The following MFAP3L variants were observed in gnomAD, a reference collection of about 807,000 sequenced individuals.
The protein encoded by MFAP3L is microfibrillar-associated protein 3-like.
Under a neutral mutation model 20.0 loss-of-function variants are expected in MFAP3L, and 5 were observed. That is an observed-to-expected ratio of 0.25 (90% CI 0.13 to 0.53). The LOEUF is 0.53. Among genes scored for constraint, MFAP3L ranks in the 20% least tolerant of loss-of-function variants. The pLI, the probability that MFAP3L is intolerant of heterozygous loss-of-function variation, is 0.96. For synonymous variants in MFAP3L, 219 were observed against 213.0 expected, an observed-to-expected ratio of 1.03 and a Z score of -0.25; for missense variants, 409 against 527.5, an observed-to-expected ratio of 0.78 and a Z score of 2.20.
intron 2 of MFAP3L, chr4:169,994,403 G>A: frequency 1.0e-6 from 1 of 984,968 alleles, no homozygotes; most frequent in Non-Finnish European, 1.2e-6. Flanking sequence ...GCATCTGATG[G>A]TAATACCAAC....
At chr4:170,005,490 T>C (rs1383580163) in intron 2 of MFAP3L, 90 bp downstream of exon 2, 2 of 1,351,008 alleles carry the variant, frequency 1.5e-6, no homozygotes, top group Non-Finnish European at 1.0e-6. Flanking sequence ...CTTTAAATCA[T>C]TTGCATGAGA....
intron 1 of MFAP3L, among the ~76,000 whole-genome samples, chr4:170,025,736 C>T (rs1420015540): frequency 6.6e-6 from 1 of 152,166 alleles, no homozygotes; most frequent in Non-Finnish European, 1.5e-5. Context: ...GCACCCACAG[C>T]CGCCCGCACT....
At chr4:170,016,779 C>G in intron 1 of MFAP3L, among the ~76,000 whole-genome samples, 1 of 152,292 alleles carries the variant, frequency 6.6e-6, no homozygotes, top group South Asian at 2.1e-4. Context: ...TTAGACAGTT[C>G]TGGAAAATGT....
intron 2 of MFAP3L, among the ~76,000 whole-genome samples, chr4:169,997,597 G>A (rs1262479778): frequency 1.3e-5 from 2 of 152,132 alleles, no homozygotes; most frequent in Non-Finnish European, 2.9e-5. Flanking sequence ...AGAGATCACA[G>A]TCATTTTTAA....
At chr4:170,020,312 A>AT (rs1396480053) in intron 1 of MFAP3L, among the ~76,000 whole-genome samples, 3 of 152,108 alleles carry the variant, frequency 2.0e-5, no homozygotes, top group Non-Finnish European at 4.4e-5. Context: ...CCTGAGAAAC[A>AT]TATCAATCAC....
rs891238724 is a variant in MFAP3L at position 169,990,345 on chromosome 4, A to G, written c.*1033T>C. The G allele has an allele frequency of 2.0e-5, 3 of 152,350 alleles. No homozygotes were observed. Among genetic ancestry groups the G allele is most frequent in the African/African-American group, 7.2e-5 (3 of 41,470 alleles). 9.4% of individuals were successfully genotyped at this position (152,350 alleles called of 1,614,324 possible). ...AACCAAGTCAGCTATGCAGTTCATA[A>G]AAGTGGACCTGGTTATATGTCATCC... On this transcript the variant is annotated 3_prime_UTR_variant, in exon 3 of 3. Transcript: ENST00000361618.
chr4:169,991,030 C>G lies in MFAP3L; in HGVS notation c.*348G>C, dbSNP rs1737622298. 1 of 264,586 alleles carries G rather than the reference C, an allele frequency of 3.8e-6. No individual in the cohort carries two copies. The highest frequency in any genetic ancestry group is 4.7e-5 in the Admixed American group (1 of 21,136). 16.4% of individuals were successfully genotyped at this position (264,586 alleles called of 1,614,324 possible). On this transcript the variant is annotated 3_prime_UTR_variant, in exon 3 of 3. Transcript: ENST00000361618. The surrounding 1 kb of genome is among the most constrained non-coding windows in gnomAD (Gnocchi z 4.9). ...TTAAAAGGAAAAGCAATGCAGGGGGCACTGGACAGGGTTCTTGAACTCAGA... is the reference window on the plus strand; with the variant it reads ...TTAAAAGGAAAAGCAATGCAGGGGGGACTGGACAGGGTTCTTGAACTCAGA...
At chr4:170,024,840 A>G (rs1405001617) in intron 1 of MFAP3L, among the ~76,000 whole-genome samples, 1 of 152,236 alleles carries the variant, frequency 6.6e-6, no homozygotes, top group East Asian at 1.9e-4. Context: ...CAGGCTTGCA[A>G]GCAAGCACCA....
intron 1 of MFAP3L, among the ~76,000 whole-genome samples, chr4:170,020,371 G>A (rs1013899934): frequency 5.9e-5 from 9 of 152,058 alleles, no homozygotes; most frequent in African/African-American, 2.2e-4. Context: ...CACATCCTGG[G>A]TTTCCCCTGG....
intron 1 of MFAP3L, among the ~76,000 whole-genome samples, chr4:170,010,606 T>C (rs1387253741): frequency 6.6e-6 from 1 of 152,212 alleles, no homozygotes. Flanking sequence ...GCAAATATAT[T>C]TTCTCCTTCT....
At position 169,991,888 on chromosome 4, in the gene MFAP3L, G is replaced by A. The variant is rs756896531; in HGVS notation, c.720C>T (p.Ser240=). ...TCATAATGAGAGGCGGCAGAGGCAC[G>A]CTCCTGGCAAGCTCTTCGATGTAGC... ...FARYIEELAR[S]VPLPPLIMNC... Residue 240 remains serine, a synonymous_variant, in exon 3 of 3, where the codon AGC becomes AGT. Coordinates refer to ENST00000361618, the MANE Select transcript of MFAP3L (RefSeq NM_021647.8). This position sits in a 1 kb window ranked among gnomAD's most constrained non-coding sequence, Gnocchi z 4.9. 3 of 1,614,158 alleles carry A rather than the reference G, an allele frequency of 1.9e-6. No homozygotes were observed. Among genetic ancestry groups the A allele is most frequent in the South Asian group, 1.1e-5 (1 of 91,086 alleles).
chr4:170,021,238 G>C (rs1740016077), intron 1 of MFAP3L, among the ~76,000 whole-genome samples: 1 of 152,150 alleles, frequency 6.6e-6, no homozygotes, highest in African/African-American at 2.4e-5. Flanking sequence ...AATTACATGG[G>C]AGTTGTTTAA....
rs142607981 is a variant in MFAP3L, at chr4:169,988,718, G to A, written c.*2660C>T. 542 of 152,240 alleles carry A rather than the reference G, an allele frequency of 3.6e-3. 2 individuals carry two copies. The highest frequency in any genetic ancestry group is 0.012 in the African/African-American group (504 of 41,540). 9.4% of individuals were successfully genotyped at this position (152,240 alleles called of 1,614,324 possible). On this transcript the variant is annotated 3_prime_UTR_variant, in exon 3 of 3. Transcript: ENST00000361618. ...AGGAAGAGTGTAGCATTTTTGGAAG[G>A]AGAAATTCCCATTTTAAGTCAACCT...
At chr4:169,998,062 C>T (rs1738326690) in intron 2 of MFAP3L, among the ~76,000 whole-genome samples, 1 of 152,182 alleles carries the variant, frequency 6.6e-6, no homozygotes, top group African/African-American at 2.4e-5. Context: ...TGTTTCTTCC[C>T]AGGGACATAG....
chr4:170,011,567 G>C (rs1348074897), intron 1 of MFAP3L, among the ~76,000 whole-genome samples: 1 of 152,182 alleles, frequency 6.6e-6, no homozygotes, highest in East Asian at 1.9e-4. Flanking sequence ...AGCATCTAAA[G>C]GGGATCAGTT....
intron 1 of MFAP3L, among the ~76,000 whole-genome samples, chr4:170,007,211 G>T (rs755997662): frequency 6.6e-6 from 1 of 152,106 alleles, no homozygotes; most frequent in Non-Finnish European, 1.5e-5. Flanking sequence ...CACTAAACTG[G>T]AGTGCTTTCC....
chr4:169,991,462 T>G lies in MFAP3L; in HGVS notation c.1146A>C (p.Val382=). 1 of 1,614,188 alleles carries G rather than the reference T, an allele frequency of 6.2e-7. No individual in the cohort carries two copies. The highest frequency in any genetic ancestry group is 8.5e-7 in the Non-Finnish European group (1 of 1,180,030). The change falls in exon 3 of 3, where the codon GTA becomes GTC. Residue 382 remains valine (V), a synonymous_variant. Transcript: ENST00000361618. The surrounding 1 kb of genome is among the most constrained non-coding windows in gnomAD (Gnocchi z 4.9). The part of the protein sequence containing the change: ...EPTPVEVPDK[V]LPPAYLEATE... The stretch of plus-strand genomic sequence containing the variant: ...TGGCTTCCAGGTAAGCTGGCGGCAG[T>G]ACCTTATCTGGTACCTCAACAGGTG...
intron 1 of MFAP3L, among the ~76,000 whole-genome samples, chr4:170,021,348 T>G (rs962142351): frequency 6.6e-6 from 1 of 152,230 alleles, no homozygotes; most frequent in Non-Finnish European, 1.5e-5. Context: ...AACCTGGTTT[T>G]TCCCTATTAA....
upstream of MFAP3L, among the ~76,000 whole-genome samples, chr4:170,026,640 G>A (rs1406655071): frequency 4.6e-5 from 7 of 151,608 alleles, no homozygotes; most frequent in East Asian, 1.4e-3. Flanking sequence ...CTCAGCCTCT[G>A]GGCCGGGCCT....
Sources: gnomAD v4.1 joint callset for allele counts (sites outside exome capture counted in the v4.1 genomes callset) on GRCh38, gnomAD v4.1.1 for gene constraint, Gnocchi (gnomAD v3.1) non-coding constraint, MANE v1.5 for transcripts, NCBI Gene and HGNC (gene_info 2026-07-23, HGNC 2026-07-21) for gene names.